Variants in SPIRE1 observed in about 807,000 individuals in gnomAD.
SPIRE1 encodes the protein spire type actin nucleation factor 1, also known as protein spire homolog 1.
A neutral mutation model predicts 94.1 loss-of-function variants in SPIRE1; 40 were observed. The ratio of observed to expected loss-of-function variants is 0.43; its 90% CI spans 0.33 to 0.55. The LOEUF is 0.55. Among genes scored for constraint, SPIRE1 ranks in the 20% least tolerant of loss-of-function variants. SPIRE1 has a pLI of 0.06. For synonymous variants in SPIRE1, 376 were observed against 371.7 expected (o/e 1.01, Z -0.13); for missense variants, 838 against 975.2 (o/e 0.86, Z 1.87).
chr18:12,578,898 T>C (rs1598490740), intron 2 of SPIRE1, among the ~76,000 whole-genome samples: 2 of 152,144 alleles, frequency 1.3e-5, no homozygotes, highest in Non-Finnish European at 2.9e-5. Context: ...TTTTTTTCTA[T>C]AAGTAAGCCT....
chr18:12,652,156 A>G (rs2038397199), intron 1 of SPIRE1, among the ~76,000 whole-genome samples: 1 of 152,224 alleles, frequency 6.6e-6, no homozygotes, highest in Non-Finnish European at 1.5e-5. Flanking sequence ...CATGCCAGAA[A>G]AGCAAATGCT....
chr18:12,494,699 C>T (rs1323676258), intron 7 of SPIRE1, among the ~76,000 whole-genome samples: 3 of 151,192 alleles, frequency 2.0e-5, no homozygotes, highest in Admixed American at 1.3e-4. Context: ...ATTAGCCGGG[C>T]ATGGTGGCAG....
Position 12,512,311 on chromosome 18 carries a change from C to T in SPIRE1, c.807+143G>A, listed in dbSNP as rs985012754. 113 of 567,100 alleles carry T rather than the reference C, an allele frequency of 2.0e-4. 6 individuals carry two copies. The South Asian group carries it at 2.5e-3, about 13-fold the overall frequency. The allele number at this position is 567,100 out of a possible 1,614,324, so 35.1% of individuals were successfully genotyped here. ...CCCAGGAGGCGGGGGTTGCAGTACC[C>T]GGGAGGTGGGGGTTGCAGTGAGCTG... On this transcript the variant is annotated intron_variant, in intron 5 of 16. Coordinates refer to ENST00000409402, the MANE Select transcript of SPIRE1 (RefSeq NM_001128626.2).
chr18:12,515,965 T>C (rs749933399), intron 4 of SPIRE1: 6 of 152,066 alleles, frequency 3.9e-5, no homozygotes, highest in Non-Finnish European at 2.9e-5. Context: ...ACCTCCTGAA[T>C]TCAAATTTTA....
intron 2 of SPIRE1, among the ~76,000 whole-genome samples, chr18:12,568,304 T>C (rs2144443279): frequency 6.6e-6 from 1 of 152,386 alleles, no homozygotes; most frequent in East Asian, 1.9e-4. Flanking sequence ...TGCAAGCTAA[T>C]TTTAGTTATC....
At chr18:12,460,398 A>AGGGAG (rs1283331511) in intron 12 of SPIRE1, among the ~76,000 whole-genome samples, 8 of 152,220 alleles carry the variant, frequency 5.3e-5, no homozygotes, top group African/African-American at 1.9e-4. Flanking sequence ...TCACAAGAAA[A>AGGGAG]GGGAGGGAGA....
rs2037613723 is a variant in SPIRE1 at position 12,626,039 on chromosome 18, C to CCCG, written c.372+9020_372+9022dup. Among the ~76,000 whole-genome samples the CCCG allele has an allele frequency of 5.2e-5, 5 of 96,648 alleles. No individual in the cohort carries two copies. The South Asian group carries it at 2.1e-3, about 40-fold the overall frequency. 63.4% of individuals were successfully genotyped at this position (96,648 alleles called of 152,430 possible). A position where few individuals can be genotyped will look rare whatever the true frequency, so the allele number is the denominator to read the frequency against. The stretch of plus-strand genomic sequence containing the variant: ...AGAGAGACTCCATTCCCCACACCGC[C>CCCG]CCGCCCCCCCCCAAAAAAAGGAAAT... On this transcript the variant is annotated intron_variant, in intron 2 of 16. Transcript: ENST00000409402.
chr18:12,519,054 C>T (rs2034282554), intron 4 of SPIRE1, among the ~76,000 whole-genome samples: 1 of 152,130 alleles, frequency 6.6e-6, no homozygotes, highest in Non-Finnish European at 1.5e-5. Context: ...ATGGTGCATT[C>T]TTAAAGATAT....
At position 12,454,330 on chromosome 18, in the gene SPIRE1, C is replaced by CTTTAAACAGCACTACCTTTCCTT. The variant is rs779927682; in HGVS notation, c.1769_1776+15dup. ...TCCTTCTACTCTTCTGATCAATCAA[C>CTTTAAACAGCACTACCTTTCCTT]TTTAAACAGCACTACCTTTCCTTTT... On this transcript the variant is annotated intron_variant, in intron 13 of 16. Transcript: ENST00000409402. 6.2e-7 allele frequency: 1 copy of CTTTAAACAGCACTACCTTTCCTT among 1,613,462 alleles called. No individual in the cohort carries two copies. Among genetic ancestry groups the CTTTAAACAGCACTACCTTTCCTT allele is most frequent in the South Asian group, 1.1e-5 (1 of 91,064 alleles).
At chr18:12,644,031 CAAAA>C (rs72419037) in intron 1 of SPIRE1, among the ~76,000 whole-genome samples, 1 of 132,210 alleles carries the variant, frequency 7.6e-6, no homozygotes, top group Non-Finnish European at 1.6e-5. Flanking sequence ...CTGTCTCAAC[CAAAA>C]AAAAAAAAAA....
rs527671544 is a variant in SPIRE1, at chr18:12,504,967, G to C, written c.972+1510C>G. Among the ~76,000 whole-genome samples, 10 of 152,258 alleles carry C rather than the reference G, an allele frequency of 6.6e-5. No individual in the cohort carries two copies. In the South Asian group the frequency reaches 2.1e-3, roughly 32 times the overall value. On this transcript the variant is annotated intron_variant, in intron 6 of 16. Transcript: ENST00000409402. The stretch of plus-strand genomic sequence containing the variant: ...TGGCAGAGATCAGGGTGGCTAACAA[G>C]CAGAACCCTGCAGGGAAGCATAGCA...
intron 1 of SPIRE1, among the ~76,000 whole-genome samples, chr18:12,648,217 A>G (rs2038278814): frequency 6.6e-6 from 1 of 152,246 alleles, no homozygotes; most frequent in African/African-American, 2.4e-5. Flanking sequence ...GCAGGCTGGA[A>G]TTAATGACTC....
rs774265265 is a variant in SPIRE1, at chr18:12,546,724, C to T, written c.553G>A (p.Asp185Asn). Residue 185 changes from aspartate (D) to asparagine (N), a missense_variant, in exon 3 of 17, where the codon GAT becomes AAT. Transcript: ENST00000409402. ...ATAGCTGAGATTTTTCTCTTTTCATCTTCATCTCCCAGGCCTTCTTCTGCA... is the reference window on the plus strand; with the variant it reads ...ATAGCTGAGATTTTTCTCTTTTCATTTTCATCTCCCAGGCCTTCTTCTGCA... ...EAAEEGLGDEDEKRKISAIRS... is the reference protein window; with the variant it reads ...EAAEEGLGDENEKRKISAIRS... 2 of 1,614,120 alleles carry T rather than the reference C, an allele frequency of 1.2e-6. No individual in the cohort carries two copies. The highest frequency in any genetic ancestry group is 1.7e-6 in the Non-Finnish European group (2 of 1,180,012).
At chr18:12,637,224 T>C (rs1298524235) in intron 1 of SPIRE1, among the ~76,000 whole-genome samples, 2 of 151,994 alleles carry the variant, frequency 1.3e-5, no homozygotes, top group African/African-American at 2.4e-5. Context: ...CCGGGTGTGG[T>C]GGCAAGTGCC....
At chr18:12,510,863 C>T (rs2034013368) in intron 5 of SPIRE1, among the ~76,000 whole-genome samples, 1 of 152,142 alleles carries the variant, frequency 6.6e-6, no homozygotes, top group South Asian at 2.1e-4. Context: ...ATCTAACACA[C>T]TCCACAACAT....
chr18:12,464,410 A>C (rs1215924974), intron 11 of SPIRE1, among the ~76,000 whole-genome samples: 1 of 152,228 alleles, frequency 6.6e-6, no homozygotes, highest in Non-Finnish European at 1.5e-5. Context: ...AAAAGCCTTT[A>C]GAAATCCCTT....
chr18:12,526,565 A>G (rs760492148), intron 4 of SPIRE1, among the ~76,000 whole-genome samples: 1 of 152,204 alleles, frequency 6.6e-6, no homozygotes, highest in Non-Finnish European at 1.5e-5. Flanking sequence ...TAAGAGTAGC[A>G]CTTAAAACAT....
intron 2 of SPIRE1, among the ~76,000 whole-genome samples, chr18:12,555,665 T>C (rs892979699): frequency 8.5e-5 from 13 of 152,196 alleles, no homozygotes; most frequent in Non-Finnish European, 1.5e-4. Flanking sequence ...ATAAGGAACA[T>C]ATCTCAAAAC....
At chr18:12,529,666 T>C (rs147033598) in intron 4 of SPIRE1, among the ~76,000 whole-genome samples, 4 of 152,242 alleles carry the variant, frequency 2.6e-5, no homozygotes, top group Non-Finnish European at 5.9e-5. Context: ...TTAGACATCT[T>C]ATCTCTCAAA....
Sources: allele counts gnomAD v4.1 joint callset (sites outside exome capture counted in the v4.1 genomes callset), GRCh38; gene constraint gnomAD v4.1.1; transcripts MANE v1.5; gene names NCBI Gene and HGNC (gene_info 2026-07-23, HGNC 2026-07-21).